The following LRRC4C variants were observed in gnomAD, a reference collection of about 807,000 sequenced individuals.
LRRC4C encodes leucine rich repeat containing 4C.
Under a neutral mutation model 33.6 loss-of-function variants are expected in LRRC4C, and 5 were observed. The ratio of observed to expected loss-of-function variants is 0.15; its 90% CI spans 0.08 to 0.31. The LOEUF (loss-of-function observed/expected upper bound fraction) is 0.31, where lower values mean the gene tolerates loss of function less well. LRRC4C is among the 10% of genes least tolerant of loss of function. The probability of loss-of-function intolerance (pLI) is 1.00; values close to 1 mark genes in which losing one functional copy is unlikely to be tolerated. For synonymous variants in LRRC4C, 329 were observed against 302.0 expected, an observed-to-expected ratio of 1.09 and a Z score of -0.93; for missense variants, 560 against 796.7, an observed-to-expected ratio of 0.70 and a Z score of 3.58.
chr11:40,827,202 G>C lies in LRRC4C; in HGVS notation c.-407+106433C>G, dbSNP rs371284327. Among the ~76,000 whole-genome samples, 28 of 151,834 alleles carry C rather than the reference G, an allele frequency of 1.8e-4. No homozygotes were observed. In the South Asian group the frequency reaches 5.2e-3, roughly 28 times the overall value. On this transcript the variant is annotated intron_variant, in intron 2 of 6. Transcript: ENST00000528697. ...TTAATTGAACGTATCTAGGAGGCTGGTTGCTGAATCTGCTTAAATCCATTT... is the reference window on the plus strand; with the variant it reads ...TTAATTGAACGTATCTAGGAGGCTGCTTGCTGAATCTGCTTAAATCCATTT...
intron 3 of LRRC4C, among the ~76,000 whole-genome samples, chr11:40,441,934 G>T (rs924788871): frequency 6.6e-6 from 1 of 152,008 alleles, no homozygotes; most frequent in South Asian, 2.1e-4. Flanking sequence ...AGGCCGAGGC[G>T]GGTGGATCAC....
At chr11:40,875,144 C>T (rs771454074) in intron 2 of LRRC4C, among the ~76,000 whole-genome samples, 7 of 152,032 alleles carry the variant, frequency 4.6e-5, no homozygotes, top group Non-Finnish European at 1.0e-4. Flanking sequence ...CACTAAATTT[C>T]TTAGAACCAG....
intron 1 of LRRC4C, among the ~76,000 whole-genome samples, chr11:41,093,642 G>C (rs1384013211): frequency 6.6e-6 from 1 of 151,926 alleles, no homozygotes; most frequent in African/African-American, 2.4e-5. Flanking sequence ...TGTGGTAGCT[G>C]TTTCCATTTT....
intron 2 of LRRC4C, among the ~76,000 whole-genome samples, chr11:40,879,963 G>T (rs1169914940): frequency 6.6e-6 from 1 of 152,022 alleles, no homozygotes; most frequent in Non-Finnish European, 1.5e-5. Flanking sequence ...TTTGCAACTG[G>T]ACAAGTCTGT....
chr11:40,207,962 A>T (rs1440680821), intron 5 of LRRC4C, among the ~76,000 whole-genome samples: 1 of 152,062 alleles, frequency 6.6e-6, no homozygotes, highest in Non-Finnish European at 1.5e-5. Flanking sequence ...CGAAGCCCAC[A>T]CCACTGCTTC....
At chr11:40,211,107 C>T (rs1038547507) in intron 5 of LRRC4C, among the ~76,000 whole-genome samples, 4 of 152,190 alleles carry the variant, frequency 2.6e-5, no homozygotes, top group African/African-American at 9.6e-5. Context: ...ATGCAACATA[C>T]TCAAGTACCT....
chr11:40,854,913 G>C (rs1443162959), intron 2 of LRRC4C, among the ~76,000 whole-genome samples: 1 of 151,986 alleles, frequency 6.6e-6, no homozygotes, highest in Non-Finnish European at 1.5e-5. Context: ...TTGAAGGCAA[G>C]AGCTAAATTG....
intron 1 of LRRC4C, among the ~76,000 whole-genome samples, chr11:41,182,598 T>G (rs1475849592): frequency 6.6e-6 from 1 of 152,070 alleles, no homozygotes; most frequent in African/African-American, 2.4e-5. Flanking sequence ...AAAATGAAAA[T>G]GTATGCTAGG....
chr11:40,340,329 T>C (rs975547690), intron 3 of LRRC4C, among the ~76,000 whole-genome samples: 3 of 152,106 alleles, frequency 2.0e-5, no homozygotes, highest in Non-Finnish European at 1.5e-5. Flanking sequence ...TTAGTATTTT[T>C]TTGCCTCCCA....
intron 1 of LRRC4C, among the ~76,000 whole-genome samples, chr11:41,130,028 G>C (rs754033442): frequency 1.1e-4 from 17 of 151,970 alleles, no homozygotes; most frequent in Non-Finnish European, 2.1e-4. Context: ...TAGGAGACTA[G>C]ATCCTCTTGA....
intron 1 of LRRC4C, among the ~76,000 whole-genome samples, chr11:41,197,383 A>ATTTAG (rs1286118822): frequency 1.3e-5 from 2 of 152,014 alleles, no homozygotes; most frequent in African/African-American, 4.8e-5. Context: ...GGGCTCTGCA[A>ATTTAG]CCTGGCTGGT....
intron 1 of LRRC4C, among the ~76,000 whole-genome samples, chr11:41,077,804 T>G (rs1332350846): frequency 6.6e-6 from 1 of 152,198 alleles, no homozygotes; most frequent in Non-Finnish European, 1.5e-5. Context: ...TTCCACATGG[T>G]CACACCGCAA....
At chr11:40,392,760 A>T (rs965760460) in intron 3 of LRRC4C, among the ~76,000 whole-genome samples, 1 of 152,200 alleles carries the variant, frequency 6.6e-6, no homozygotes. Flanking sequence ...TGATGAAAAC[A>T]ATTATTTATT....
At chr11:40,118,239 T>C (rs1855578486) in intron 6 of LRRC4C, among the ~76,000 whole-genome samples, 2 of 148,740 alleles carry the variant, frequency 1.3e-5, no homozygotes, top group Admixed American at 6.7e-5. Context: ...TATATTAAAA[T>C]ATTAACAATA....
intron 1 of LRRC4C, among the ~76,000 whole-genome samples, chr11:41,241,902 T>C (rs1948265460): frequency 1.3e-5 from 2 of 152,192 alleles, no homozygotes; most frequent in African/African-American, 4.8e-5. Flanking sequence ...ATATTCCATA[T>C]TAATATTCTT....
At chr11:40,711,456 A>G (rs1217032265) in intron 2 of LRRC4C, among the ~76,000 whole-genome samples, 1 of 152,222 alleles carries the variant, frequency 6.6e-6, no homozygotes, top group Non-Finnish European at 1.5e-5. Flanking sequence ...GTATTTAAAA[A>G]TGTATAAATT....
At chr11:40,388,201 A>G (rs1483129386) in intron 3 of LRRC4C, among the ~76,000 whole-genome samples, 1 of 152,136 alleles carries the variant, frequency 6.6e-6, no homozygotes, top group Non-Finnish European at 1.5e-5. Flanking sequence ...AAGGGGCAAA[A>G]AGATGAGGCC....
At chr11:41,280,552 G>A (rs1949630285) in intron 1 of LRRC4C, among the ~76,000 whole-genome samples, 1 of 152,156 alleles carries the variant, frequency 6.6e-6, no homozygotes, top group Non-Finnish European at 1.5e-5. Flanking sequence ...ATTCACCATT[G>A]TGTTTATGAT....
chr11:40,359,808 T>C (rs1321847637), intron 3 of LRRC4C, among the ~76,000 whole-genome samples: 1 of 152,164 alleles, frequency 6.6e-6, no homozygotes, highest in Non-Finnish European at 1.5e-5. Context: ...CGTCTAAAAA[T>C]TATCTATTTG....
Sources: allele counts gnomAD v4.1 joint callset (sites outside exome capture counted in the v4.1 genomes callset), GRCh38; gene constraint gnomAD v4.1.1; transcripts MANE v1.5; gene names NCBI Gene and HGNC (gene_info 2026-07-23, HGNC 2026-07-21).